TFAP2D: variants seen among roughly 807,000 people sequenced by gnomAD.
TFAP2D encodes transcription factor AP-2-delta.
In TFAP2D, 9 loss-of-function variants were observed where a neutral mutation model predicts 43.6. That is an observed-to-expected ratio of 0.21 (90% CI 0.12 to 0.36). The LOEUF is 0.36. Among genes scored for constraint, TFAP2D ranks in the 10% least tolerant of loss-of-function variants. The probability of loss-of-function intolerance (pLI) is 1.00; values close to 1 mark genes in which losing one functional copy is unlikely to be tolerated. For synonymous variants in TFAP2D, 256 were observed against 224.9 expected (o/e 1.14, Z -1.24); for missense variants, 513 against 561.4 (o/e 0.91, Z 0.87).
intron 5 of TFAP2D, among the ~76,000 whole-genome samples, chr6:50,739,084 T>C (rs1421357091): frequency 1.3e-5 from 2 of 152,188 alleles, no homozygotes; most frequent in Non-Finnish European, 2.9e-5. Context: ...CTTTTTTTTC[T>C]ATGATACTTT....
intron 5 of TFAP2D, among the ~76,000 whole-genome samples, chr6:50,734,134 C>A (rs546640710): frequency 8.6e-5 from 13 of 151,890 alleles, no homozygotes; most frequent in African/African-American, 3.1e-4. Context: ...TCCTTAGTAA[C>A]TGTTGCTCTT....
chr6:50,765,455 A>G (rs994903472), intron 7 of TFAP2D, among the ~76,000 whole-genome samples: 1 of 152,142 alleles, frequency 6.6e-6, no homozygotes, highest in Non-Finnish European at 1.5e-5. Flanking sequence ...GTTTTGCATA[A>G]TGGCTGCGCC....
At chr6:50,714,238 G>A (rs1037239495) in intron 1 of TFAP2D, 144 bp downstream of exon 1, 5 of 994,084 alleles carry the variant, frequency 5.0e-6, no homozygotes, top group Non-Finnish European at 7.3e-6. Context: ...TCTGTCTTTC[G>A]GGGGAAGTTA....
At chr6:50,771,836 A>G (rs1769533427) in intron 7 of TFAP2D, among the ~76,000 whole-genome samples, 1 of 152,176 alleles carries the variant, frequency 6.6e-6, no homozygotes. Context: ...CAGTGTGGCG[A>G]TTCCTCAGGG....
chr6:50,719,573 C>G (rs1181191041), intron 3 of TFAP2D, among the ~76,000 whole-genome samples: 1 of 152,184 alleles, frequency 6.6e-6, no homozygotes, highest in East Asian at 1.9e-4. Context: ...TTTTTAAGCC[C>G]TAAATGTGCT....
chr6:50,764,705 G>A (rs1308486580), intron 7 of TFAP2D, among the ~76,000 whole-genome samples: 4 of 152,162 alleles, frequency 2.6e-5, no homozygotes, highest in Non-Finnish European at 5.9e-5. Flanking sequence ...CCTAACTGCT[G>A]GCAGATAATG....
intron 6 of TFAP2D, 46 bp from the exon 7 acceptor site, chr6:50,751,165 G>A (rs1354869990): frequency 2.3e-6 from 3 of 1,321,544 alleles, no homozygotes; most frequent in Non-Finnish European, 2.2e-6. Context: ...TGAAATTAAA[G>A]CTCAATTTGA....
intron 1 of TFAP2D, among the ~76,000 whole-genome samples, chr6:50,714,750 C>G (rs889415521): frequency 2.0e-5 from 3 of 152,120 alleles, no homozygotes; most frequent in Non-Finnish European, 4.4e-5. Flanking sequence ...GCCCCGGAGT[C>G]AGTTGCAAAC....
At chr6:50,744,667 T>C (rs182966696) in intron 5 of TFAP2D, among the ~76,000 whole-genome samples, 158 of 152,264 alleles carry the variant, frequency 1.0e-3, no homozygotes, top group African/African-American at 3.7e-3. Context: ...CCTTCGCAGG[T>C]ATTTTAATAG....
At chr6:50,743,951 C>G (rs760716381) in intron 5 of TFAP2D, among the ~76,000 whole-genome samples, 25 of 152,106 alleles carry the variant, frequency 1.6e-4, no homozygotes, top group Admixed American at 4.6e-4. Context: ...ATCTTTGGTA[C>G]TCTTTTATAG....
chr6:50,766,186 G>A (rs576106934), intron 7 of TFAP2D, among the ~76,000 whole-genome samples: 22 of 152,216 alleles, frequency 1.4e-4, no homozygotes, highest in African/African-American at 5.3e-4. Context: ...ATATATGAGG[G>A]TTTGTTTCTA....
At chr6:50,720,912 C>T (rs549714489) in intron 3 of TFAP2D, among the ~76,000 whole-genome samples, 14 of 152,294 alleles carry the variant, frequency 9.2e-5, no homozygotes, top group Middle Eastern at 3.4e-3. Flanking sequence ...TTCTGAAATG[C>T]TTGGAAACTG....
intron 3 of TFAP2D, among the ~76,000 whole-genome samples, chr6:50,720,022 G>T (rs1020880937): frequency 6.6e-6 from 1 of 152,220 alleles, no homozygotes; most frequent in Non-Finnish European, 1.5e-5. Flanking sequence ...AGCCTCTGAA[G>T]TTTATTTTTC....
At chr6:50,740,686 C>T (rs1769031526) in intron 5 of TFAP2D, among the ~76,000 whole-genome samples, 1 of 152,156 alleles carries the variant, frequency 6.6e-6, no homozygotes. Context: ...ATCCACTGGG[C>T]TTGGCCTCCC....
intron 7 of TFAP2D, among the ~76,000 whole-genome samples, chr6:50,766,031 C>A (rs1769436685): frequency 6.6e-6 from 1 of 152,108 alleles, no homozygotes; most frequent in Non-Finnish European, 1.5e-5. Flanking sequence ...AAGTTCATTT[C>A]TGTGTATGGT....
chr6:50,717,675 A>G (rs1373786826), intron 2 of TFAP2D, among the ~76,000 whole-genome samples: 2 of 152,236 alleles, frequency 1.3e-5, no homozygotes, highest in African/African-American at 2.4e-5. Flanking sequence ...ATGTATGTAT[A>G]TATCATAATA....
intron 5 of TFAP2D, among the ~76,000 whole-genome samples, chr6:50,730,311 C>T (rs1768868585): frequency 6.6e-6 from 1 of 152,122 alleles, no homozygotes; most frequent in African/African-American, 2.4e-5. Context: ...TTGCTCTTAA[C>T]AGCCATCTTT....
At chr6:50,737,052 C>T (rs1351604874) in intron 5 of TFAP2D, among the ~76,000 whole-genome samples, 3 of 152,152 alleles carry the variant, frequency 2.0e-5, no homozygotes, top group Non-Finnish European at 4.4e-5. Flanking sequence ...ATGAACACAG[C>T]TCACTACAGC....
chr6:50,749,522 A>C (rs1769170348), intron 6 of TFAP2D, among the ~76,000 whole-genome samples: 1 of 151,910 alleles, frequency 6.6e-6, no homozygotes, highest in Admixed American at 6.6e-5. Context: ...GACCTACCAT[A>C]CAGTAATTTG....
Sources: gnomAD v4.1 joint callset for allele counts (sites outside exome capture counted in the v4.1 genomes callset) on GRCh38, gnomAD v4.1.1 for gene constraint, MANE v1.5 for transcripts, NCBI Gene and HGNC (gene_info 2026-07-23, HGNC 2026-07-21) for gene names.